SCHIP1: variants seen among roughly 807,000 people sequenced by gnomAD.
The protein encoded by SCHIP1 is schwannomin-interacting protein 1.
In SCHIP1, 8 loss-of-function variants were observed where a neutral mutation model predicts 29.7. The ratio of observed to expected loss-of-function variants is 0.27; its 90% confidence interval spans 0.16 to 0.49. The LOEUF (loss-of-function observed/expected upper bound fraction) is 0.49, where lower values mean the gene tolerates loss of function less well. SCHIP1 is among the 20% of genes least tolerant of loss of function. The probability of loss-of-function intolerance (pLI) is 0.99; values close to 1 mark genes in which losing one functional copy is unlikely to be tolerated. For synonymous variants in SCHIP1, 76 were observed against 94.9 expected (o/e 0.80, Z 1.16); for missense variants, 193 against 294.6 (o/e 0.66, Z 2.52).
At chr3:159,502,888 C>A in the SCHIP1 span, among the ~76,000 whole-genome samples, 1 of 152,134 alleles carries the variant, frequency 6.6e-6, no homozygotes, top group South Asian at 2.1e-4. Flanking sequence ...CTGGCCCCTG[C>A]AGGATTAAGC....
chr3:159,465,319 GTGTGTGTGTGTGTGTGTGTGTT>G, the SCHIP1 span, among the ~76,000 whole-genome samples: 6 of 147,838 alleles, frequency 4.1e-5, no homozygotes, highest in Non-Finnish European at 8.9e-5. Context: ...GTATGATTGT[GTGTGTGTGTGTGTGTGTGTGTT>G]TGTGTGCGTG....
chr3:159,715,401 T>C, the SCHIP1 span, among the ~76,000 whole-genome samples: 21 of 152,258 alleles, frequency 1.4e-4, no homozygotes, highest in African/African-American at 4.8e-4. Flanking sequence ...GAGAATGACT[T>C]TGACGAGTTG....
At chr3:159,647,087 G>T in the SCHIP1 span, among the ~76,000 whole-genome samples, 7 of 152,074 alleles carry the variant, frequency 4.6e-5, no homozygotes, top group South Asian at 1.5e-3. Context: ...AGTGTTAAGG[G>T]AAGAGAGAAA....
At chr3:159,859,958 TAAAG>T (rs1472759328) in intron 1 of SCHIP1, among the ~76,000 whole-genome samples, 4 of 149,730 alleles carry the variant, frequency 2.7e-5, no homozygotes. Flanking sequence ...GCTATTGGCT[TAAAG>T]AAATGTGTGA....
chr3:159,335,705 G>A, the SCHIP1 span, among the ~76,000 whole-genome samples: 1 of 152,090 alleles, frequency 6.6e-6, no homozygotes. Context: ...AGTATTCCAT[G>A]GTGTATATGT....
At chr3:159,382,069 A>G in the SCHIP1 span, among the ~76,000 whole-genome samples, 1 of 152,000 alleles carries the variant, frequency 6.6e-6, no homozygotes, top group Non-Finnish European at 1.5e-5. Context: ...TTTGACTAGA[A>G]TAAGTCACAT....
chr3:159,648,674 T>G, the SCHIP1 span, among the ~76,000 whole-genome samples: 1 of 152,154 alleles, frequency 6.6e-6, no homozygotes, highest in African/African-American at 2.4e-5. Flanking sequence ...CCCTAGGAGT[T>G]GACCCCAGTG....
chr3:159,491,599 G>C, the SCHIP1 span, among the ~76,000 whole-genome samples: 3 of 152,250 alleles, frequency 2.0e-5, no homozygotes, highest in East Asian at 3.8e-4. Flanking sequence ...GTTAAACAAA[G>C]TGGCCTGGAA....
the SCHIP1 span, chr3:159,375,782 A>G: frequency 3.1e-5 from 28 of 890,352 alleles, no homozygotes; most frequent in East Asian, 2.1e-3. Flanking sequence ...ATTTAAAACT[A>G]GGATGGGTTT....
At chr3:159,735,041 G>C in the SCHIP1 span, among the ~76,000 whole-genome samples, 2 of 151,912 alleles carry the variant, frequency 1.3e-5, no homozygotes, top group African/African-American at 4.8e-5. Context: ...GTTCAGAGAC[G>C]TGAAGAATTG....
chr3:159,381,450 C>A, the SCHIP1 span, among the ~76,000 whole-genome samples: 1 of 152,120 alleles, frequency 6.6e-6, no homozygotes, highest in East Asian at 1.9e-4. Context: ...GAGTCATCCT[C>A]GACACCTTTT....
chr3:159,377,081 T>C, the SCHIP1 span, among the ~76,000 whole-genome samples: 1,041 of 152,342 alleles, frequency 6.8e-3, 7 homozygotes, highest in Non-Finnish European at 0.012. Context: ...TCTTTGGTTT[T>C]TTTGAACTAA....
At chr3:159,824,013 T>G in the SCHIP1 span, among the ~76,000 whole-genome samples, 1 of 152,210 alleles carries the variant, frequency 6.6e-6, no homozygotes, top group Non-Finnish European at 1.5e-5. Context: ...TTGAAAGTAA[T>G]GGAAAACACC....
chr3:159,493,807 C>G, the SCHIP1 span, among the ~76,000 whole-genome samples: 1 of 152,196 alleles, frequency 6.6e-6, no homozygotes, highest in East Asian at 1.9e-4. Context: ...ACATTCTTCT[C>G]AGCACCACAC....
the SCHIP1 span, among the ~76,000 whole-genome samples, chr3:159,660,920 TCCATCCAC>T: frequency 6.6e-6 from 1 of 152,158 alleles, no homozygotes; most frequent in African/African-American, 2.4e-5. Flanking sequence ...TATCTATCCA[TCCATCCAC>T]CCATCCACCC....
At chr3:159,534,641 G>C in the SCHIP1 span, among the ~76,000 whole-genome samples, 1 of 152,092 alleles carries the variant, frequency 6.6e-6, no homozygotes, top group Non-Finnish European at 1.5e-5. Flanking sequence ...TGGTGTATAT[G>C]ACTTCCTGAC....
chr3:159,868,357 A>C (rs1043884679), intron 2 of SCHIP1, among the ~76,000 whole-genome samples: 6 of 152,214 alleles, frequency 3.9e-5, no homozygotes, highest in African/African-American at 1.4e-4. Flanking sequence ...TTTAACCATC[A>C]GACTACCTGC....
At chr3:159,683,820 T>C in the SCHIP1 span, among the ~76,000 whole-genome samples, 1 of 152,206 alleles carries the variant, frequency 6.6e-6, no homozygotes, top group African/African-American at 2.4e-5. Context: ...AAGATAAGAC[T>C]CTGGTGTATA....
At chr3:159,463,904 T>C in the SCHIP1 span, among the ~76,000 whole-genome samples, 1 of 152,204 alleles carries the variant, frequency 6.6e-6, no homozygotes, top group Non-Finnish European at 1.5e-5. Flanking sequence ...ATGCTCAATG[T>C]ATTTGACAGT....
Sources: allele counts gnomAD v4.1 joint callset (sites outside exome capture counted in the v4.1 genomes callset), GRCh38; gene constraint gnomAD v4.1.1; transcripts MANE v1.5; gene names NCBI Gene and HGNC (gene_info 2026-07-23, HGNC 2026-07-21).